Variants in THBS1 observed in about 807,000 individuals in gnomAD.
THBS1 encodes thrombospondin 1.
In THBS1, 29 loss-of-function variants were observed where a neutral mutation model predicts 126.1. That is an observed-to-expected ratio of 0.23 (90% CI 0.17 to 0.31). THBS1 has a LOEUF of 0.31. THBS1 is among the 10% of genes least tolerant of loss of function. The pLI is 1.00. For missense variants in THBS1, 1,198 were observed against 1,545.2 expected (o/e 0.78, Z 3.77); for synonymous variants, 496 against 577.8 (o/e 0.86, Z 2.03).
chr15:39,590,677 AAC>A lies in THBS1; in HGVS notation c.2253+57_2253+58del, dbSNP rs1890310053. The A allele has an allele frequency of 2.4e-5, 35 of 1,470,666 alleles. 1 individual carries two copies. Among genetic ancestry groups the A allele is most frequent in the South Asian group, 2.2e-4 (19 of 85,666 alleles). 91.1% of individuals were successfully genotyped at this position (1,470,666 alleles called of 1,614,324 possible). On this transcript the variant is annotated intron_variant, in intron 14 of 21. Transcript: ENST00000260356. ...TCTTTTCAGTTCAGCAACAGCCTGA[AAC>A]ACTTTGGGATTCAAGGAAATTACAT...
intron 14 of THBS1, 50 bp downstream of exon 14, chr15:39,590,673 C>T (rs775886484): frequency 2.0e-6 from 3 of 1,490,956 alleles, no homozygotes; most frequent in Non-Finnish European, 2.8e-6. Flanking sequence ...CAGCAACAGC[C>T]TGAAACACTT....
chr15:39,587,325 T>C (rs368403280), intron 7 of THBS1, 22 bp from the exon 8 acceptor site: 12 of 1,601,584 alleles, frequency 7.5e-6, no homozygotes, highest in Admixed American at 1.7e-5. Context: ...ACGTACCTGA[T>C]GAACCTCTGT....
Position 39,591,561 on chromosome 15 carries a change from A to T in THBS1, c.2470A>T (p.Thr824Ser). The change falls in exon 16 of 22, where the codon ACT becomes TCT. Residue 824 changes from threonine (T) to serine (S), a missense_variant. Transcript: ENST00000260356. ...QYVYNVDQRDTDMDGVGDQCD... is the reference protein window; with the variant it reads ...QYVYNVDQRDSDMDGVGDQCD... ...CGTCTACAATGTGGACCAGAGAGAC[A>T]CTGATATGGATGGGGTTGGAGATCA... 3 of 1,614,214 alleles carry T rather than the reference A, an allele frequency of 1.9e-6. No homozygotes were observed. The highest frequency in any genetic ancestry group is 2.5e-6 in the Non-Finnish European group (3 of 1,180,028).
chr15:39,593,569 G>C lies in THBS1; in HGVS notation c.3168G>C (p.Gln1056His). The C allele has an allele frequency of 1.2e-6, 2 of 1,614,214 alleles. 1 individual carries two copies. Among genetic ancestry groups the C allele is most frequent in the Middle Eastern group, 3.3e-4 (2 of 6,062 alleles). ...GGGACACCAACCCCACGAGGGCTCA[G>C]GGATACTCGGGCCTTTCTGTGAAAG... ...SYWDTNPTRAQGYSGLSVKVV... is the reference protein window; with the variant it reads ...SYWDTNPTRAHGYSGLSVKVV... Residue 1056 changes from glutamine (Q) to histidine (H), a missense_variant, in exon 19 of 22, where the codon CAG becomes CAC. Gln to His is a conservative substitution (Grantham distance 24). This residue lies in a region of THBS1 where 255 missense variants were observed against 373.9 expected (regional missense o/e 0.68). Transcript: ENST00000260356. This position sits in a 1 kb window ranked among gnomAD's most constrained non-coding sequence, Gnocchi z 5.9.
At position 39,581,937 on chromosome 15, in the gene THBS1, G is replaced by A; in HGVS notation, c.67+13G>A. 6.2e-7 allele frequency: 1 copy of A among 1,613,912 alleles called. No homozygotes were observed. The highest frequency in any genetic ancestry group is 1.1e-5 in the South Asian group (1 of 91,056). ...AACCGCATTCCAGGTGAGTTTGTGT[G>A]GCACCTTTAGGGGAAGGAGGGACAA... On this transcript the variant is annotated intron_variant, in intron 2 of 21. Coordinates refer to ENST00000260356, the MANE Select transcript of THBS1 (RefSeq NM_003246.4).
At chr15:39,582,887 G>A in intron 3 of THBS1, 135 bp downstream of exon 3, 1 of 1,038,384 alleles carries the variant, frequency 9.6e-7, no homozygotes. Flanking sequence ...GCATCACCTG[G>A]AGGGCTTGTG....
intron 14 of THBS1, 47 bp from the exon 15 acceptor site, chr15:39,591,144 G>A (rs1566841415): frequency 1.3e-6 from 2 of 1,596,654 alleles, no homozygotes; most frequent in South Asian, 1.1e-5. Flanking sequence ...GGCTTGAGCT[G>A]TTTTCAAGGA....
In THBS1 at chr15:39,597,275, G is replaced by GTTTT; in HGVS notation, c.*1907_*1910dup. Reference sequence around the variant, plus strand: ...GAATTGTTGGTTTTTTCTTTTTTTTGTTTTGTTTTTTTTTTTTTTTTTTTT... The same window carrying GTTTT: ...GAATTGTTGGTTTTTTCTTTTTTTTGTTTTTTTTGTTTTTTTTTTTTTTTTTTTT... On this transcript the variant is annotated 3_prime_UTR_variant, in exon 22 of 22. Transcript: ENST00000260356. 1 of 52,592 alleles carries GTTTT rather than the reference G, an allele frequency of 1.9e-5. No individual in the cohort carries two copies. Among genetic ancestry groups the GTTTT allele is most frequent in the Non-Finnish European group, 4.0e-5 (1 of 24,778 alleles). 3.3% of individuals were successfully genotyped at this position (52,592 alleles called of 1,614,324 possible). A position where few individuals can be genotyped will look rare whatever the true frequency, so the allele number is the denominator to read the frequency against.
rs1384890007 is a variant in THBS1 at position 39,587,410 on chromosome 15, G to A, written c.1184G>A (p.Cys395Tyr). 2 of 1,613,998 alleles carry A rather than the reference G, an allele frequency of 1.2e-6. No homozygotes were observed. Among genetic ancestry groups the A allele is most frequent in the African/African-American group, 1.3e-5 (1 of 75,054 alleles). The part of the protein sequence containing the change: ...WSEWTSCSTS[C>Y]GNGIQQRGRS... The stretch of plus-strand genomic sequence containing the variant: ...GAGTGGACCTCCTGTTCTACGAGCT[G>A]TGGCAATGGAATTCAGCAGCGCGGC... The change falls in exon 8 of 22, where the codon TGT (cysteine) becomes TAT (tyrosine). Residue 395 changes from cysteine to tyrosine, a missense_variant. Physicochemically the swap from Cys to Tyr is radical, Grantham distance 194. Coordinates refer to ENST00000260356, the MANE Select transcript of THBS1 (RefSeq NM_003246.4).
In THBS1 at chr15:39,594,448, C is replaced by G. The variant is rs1235276166; in HGVS notation, c.3505+8C>G. The G allele has an allele frequency of 1.2e-6, 2 of 1,613,144 alleles. No individual in the cohort carries two copies. The highest frequency in any genetic ancestry group is 2.7e-5 in the African/African-American group (2 of 74,914). ...TGAAATACGAATGTAGAGGTAAGAG[C>G]AACATCACCATGAATGTACACTGGA... is the stretch of plus-strand genomic sequence containing the variant. On this transcript the variant is annotated splice_region_variant and intron_variant, in intron 21 of 21. Transcript: ENST00000260356. This position sits in a 1 kb window ranked among gnomAD's most constrained non-coding sequence, Gnocchi z 4.4.
chr15:39,590,778 GGATGTA>G, intron 14 of THBS1, 155 bp downstream of exon 14: 1 of 637,222 alleles, frequency 1.6e-6, no homozygotes, highest in Non-Finnish European at 2.7e-6. Flanking sequence ...AGTAGTTTAA[GGATGTA>G]GATGTTGCCA....
intron 7 of THBS1, chr15:39,586,636 C>T (rs1433918952): frequency 6.6e-6 from 1 of 152,228 alleles, no homozygotes; most frequent in South Asian, 2.1e-4. Flanking sequence ...GAACCAACAA[C>T]AGCTCGGCTG....
At chr15:39,595,250 G>A in intron 21 of THBS1, 112 bp from the exon 22 acceptor site, 1 of 671,624 alleles carries the variant, frequency 1.5e-6, no homozygotes. Context: ...TTAGGCTTTT[G>A]TCATTAGAAA....
At chr15:39,595,137 G>A (rs1018694152) in intron 21 of THBS1, among the ~76,000 whole-genome samples, 2 of 152,118 alleles carry the variant, frequency 1.3e-5, no homozygotes, top group South Asian at 4.1e-4. Context: ...GAAAGCCTTT[G>A]GAAAGCATAA....
At position 39,589,671 on chromosome 15, in the gene THBS1, G is replaced by C. The variant is rs1422586909; in HGVS notation, c.1927-134G>C. 1.0e-6 allele frequency: 1 copy of C among 1,000,920 alleles called. No homozygotes were observed. The highest frequency in any genetic ancestry group is 2.7e-5 in the East Asian group (1 of 37,720). 62.0% of individuals were successfully genotyped at this position (1,000,920 alleles called of 1,614,324 possible). On this transcript the variant is annotated intron_variant, in intron 12 of 21. Transcript: ENST00000260356. This position sits in a 1 kb window ranked among gnomAD's most constrained non-coding sequence, Gnocchi z 4.7. ...CTTATAGCCTCAGGGAGAATGGGGA[G>C]GGACAGAGGTAACCCACACTCTTCC...
intron 1 of THBS1, 68 bp from the exon 2 acceptor site, chr15:39,581,761 G>T: frequency 9.6e-7 from 1 of 1,036,280 alleles, no homozygotes; most frequent in Non-Finnish European, 1.4e-6. Context: ...GCCCAGCCCC[G>T]TTTCTGCGCA....
rs1307023086 is a variant in THBS1, at chr15:39,597,084, C to CTATCATCT, written c.*1716_*1723dup. On this transcript the variant is annotated 3_prime_UTR_variant, in exon 22 of 22. Transcript: ENST00000260356. Reference sequence around the variant, plus strand: ...AATTTCTGAAAGTTATGTTTTTTTTCTATCATCTGGTATACCATTGCTTTA... The same window carrying CTATCATCT: ...AATTTCTGAAAGTTATGTTTTTTTTCTATCATCTTATCATCTGGTATACCATTGCTTTA... 1 of 151,958 alleles carries CTATCATCT rather than the reference C, an allele frequency of 6.6e-6. No individual in the cohort carries two copies. The highest frequency in any genetic ancestry group is 2.4e-5 in the African/African-American group (1 of 41,382). The allele number at this position is 151,958 out of a possible 1,614,324, so 9.4% of individuals were successfully genotyped here. A position where few individuals can be genotyped will look rare whatever the true frequency, so the allele number is the denominator to read the frequency against.
Position 39,597,275 on chromosome 15 carries a change from G to GTTTTTTTTTTTTT in THBS1, c.*1910_*1911insTTTTTTTTTTTTT, listed in dbSNP as rs879801079. On this transcript the variant is annotated 3_prime_UTR_variant, in exon 22 of 22. Coordinates refer to ENST00000260356, the MANE Select transcript of THBS1 (RefSeq NM_003246.4). The stretch of plus-strand genomic sequence containing the variant: ...GAATTGTTGGTTTTTTCTTTTTTTT[G>GTTTTTTTTTTTTT]TTTTGTTTTTTTTTTTTTTTTTTTT... 2 of 52,594 alleles carry GTTTTTTTTTTTTT rather than the reference G, an allele frequency of 3.8e-5. No homozygotes were observed. The highest frequency in any genetic ancestry group is 7.8e-5 in the African/African-American group (1 of 12,742). 3.3% of individuals were successfully genotyped at this position (52,594 alleles called of 1,614,324 possible). A position where few individuals can be genotyped will look rare whatever the true frequency, so the allele number is the denominator to read the frequency against.
chr15:39,585,697 C>T, intron 7 of THBS1, 134 bp downstream of exon 7: 1 of 831,394 alleles, frequency 1.2e-6, no homozygotes, highest in African/African-American at 1.7e-5. Context: ...GCTGCAGCAG[C>T]TGGTTAACTG....
Sources: allele counts gnomAD v4.1 joint callset (sites outside exome capture counted in the v4.1 genomes callset), GRCh38; gene constraint gnomAD v4.1.1; regional missense constraint gnomAD v4.1.1; non-coding constraint Gnocchi (gnomAD v3.1); transcripts MANE v1.5; gene names NCBI Gene and HGNC (gene_info 2026-07-23, HGNC 2026-07-21).